CIMIP4: variants seen among roughly 807,000 people sequenced by gnomAD.
The protein encoded by CIMIP4 is protein EAN57.
At chr22:36,991,392 G>T in the CIMIP4 span, 4 of 1,559,396 alleles carry the variant, frequency 2.6e-6, no homozygotes, top group Non-Finnish European at 3.5e-6. Flanking sequence ...TCTGTCTCCT[G>T]CTCTGGTTTC....
the CIMIP4 span, among the ~76,000 whole-genome samples, chr22:36,994,390 C>A: frequency 2.0e-5 from 3 of 152,082 alleles, no homozygotes; most frequent in Non-Finnish European, 4.4e-5. Context: ...GCGATCTCCG[C>A]TCACTATAAC....
the CIMIP4 span, chr22:37,002,386 A>C: frequency 6.6e-6 from 1 of 150,778 alleles, no homozygotes; most frequent in African/African-American, 3.2e-5. Flanking sequence ...GAGGGGGCAG[A>C]GATGGGGGTG....
chr22:36,993,161 G>A, the CIMIP4 span, among the ~76,000 whole-genome samples: 6 of 151,728 alleles, frequency 4.0e-5, no homozygotes, highest in Non-Finnish European at 8.8e-5. Context: ...ACAGGCATGC[G>A]CCACCACACC....
chr22:37,003,929 A>G, the CIMIP4 span: 2 of 1,534,054 alleles, frequency 1.3e-6, no homozygotes, highest in Non-Finnish European at 1.8e-6. Flanking sequence ...AGAAGCCTGG[A>G]TGTGCATTCA....
chr22:36,993,170 C>T, the CIMIP4 span, among the ~76,000 whole-genome samples: 1 of 151,826 alleles, frequency 6.6e-6, no homozygotes, highest in Non-Finnish European at 1.5e-5. Flanking sequence ...CGCCACCACA[C>T]CCAGCTAATT....
chr22:37,000,580 G>A, the CIMIP4 span, among the ~76,000 whole-genome samples: 1 of 152,178 alleles, frequency 6.6e-6, no homozygotes, highest in Non-Finnish European at 1.5e-5. Flanking sequence ...TCCACTCTAG[G>A]CCTCAGTTTC....
the CIMIP4 span, chr22:36,999,778 C>G: frequency 1.3e-6 from 2 of 1,565,898 alleles, no homozygotes; most frequent in Non-Finnish European, 1.7e-6. Context: ...CAAAGGCCTT[C>G]CCTGCCCAAT....
the CIMIP4 span, among the ~76,000 whole-genome samples, chr22:36,998,433 GGAGA>G: frequency 6.6e-6 from 1 of 152,150 alleles, no homozygotes; most frequent in African/African-American, 2.4e-5. Context: ...CCTGGAGTGA[GGAGA>G]GAGGAAGGAG....
At chr22:37,002,340 G>T in the CIMIP4 span, 1 of 1,031,952 alleles carries the variant, frequency 9.7e-7, no homozygotes, top group Non-Finnish European at 1.2e-6. Flanking sequence ...GGGAGGGAGA[G>T]AGACACGCAG....
the CIMIP4 span, chr22:37,001,764 T>C: frequency 7.2e-7 from 1 of 1,391,566 alleles, no homozygotes; most frequent in Non-Finnish European, 9.6e-7. Context: ...AGGGACTCTG[T>C]ACTCAAGAGT....
the CIMIP4 span, among the ~76,000 whole-genome samples, chr22:36,999,582 G>GGGGA: frequency 9.8e-4 from 63 of 64,140 alleles, 3 homozygotes; most frequent in Admixed American, 5.5e-3. Context: ...GGGGAGGGGA[G>GGGGA]GGGGGGATGG....
the CIMIP4 span, chr22:37,007,701 C>G: frequency 3.9e-5 from 6 of 152,270 alleles, no homozygotes; most frequent in Middle Eastern, 3.2e-3. Context: ...CTGGAAGAAC[C>G]CTGGCCCTTC....
At chr22:37,004,543 C>T in the CIMIP4 span, among the ~76,000 whole-genome samples, 1 of 152,132 alleles carries the variant, frequency 6.6e-6, no homozygotes, top group Non-Finnish European at 1.5e-5. Context: ...GCAGCTTAGC[C>T]ACCACGAAGG....
the CIMIP4 span, chr22:36,991,592 C>G: frequency 1.2e-6 from 2 of 1,614,062 alleles, no homozygotes; most frequent in East Asian, 4.5e-5. Flanking sequence ...TCAGCAGCCC[C>G]TGTAGAATAC....
chr22:37,003,962 C>T, the CIMIP4 span: 32 of 1,549,786 alleles, frequency 2.1e-5, no homozygotes, highest in Non-Finnish European at 1.7e-6. Flanking sequence ...TCTGCCTGTC[C>T]TACCTGCTCC....
the CIMIP4 span, chr22:37,007,612 C>A: frequency 6.6e-6 from 1 of 152,170 alleles, no homozygotes; most frequent in East Asian, 1.9e-4. Context: ...TCAAAGAGGG[C>A]GGGAAGGTAA....
the CIMIP4 span, among the ~76,000 whole-genome samples, chr22:36,998,831 G>A: frequency 1.1e-4 from 16 of 152,090 alleles, no homozygotes; most frequent in African/African-American, 3.6e-4. Flanking sequence ...TCCAGGCTCT[G>A]GAGAAGAAAA....
At chr22:36,999,108 TG>T in the CIMIP4 span, among the ~76,000 whole-genome samples, 1 of 151,762 alleles carries the variant, frequency 6.6e-6, no homozygotes, top group Non-Finnish European at 1.5e-5. Flanking sequence ...GCTAGGGGTG[TG>T]GGGAGCAGCA....
the CIMIP4 span, among the ~76,000 whole-genome samples, chr22:36,998,920 C>T: frequency 6.6e-6 from 1 of 152,126 alleles, no homozygotes; most frequent in East Asian, 1.9e-4. Flanking sequence ...AAAGTCCTGC[C>T]AATGACCCAG....
Sources: gnomAD v4.1 joint callset for allele counts (sites outside exome capture counted in the v4.1 genomes callset) on GRCh38, gnomAD v4.1.1 for gene constraint, MANE v1.5 for transcripts, NCBI Gene and HGNC (gene_info 2026-07-23, HGNC 2026-07-21) for gene names.